ANKRD26: variants seen among roughly 807,000 people sequenced by gnomAD.
The protein encoded by ANKRD26 is ankyrin repeat domain 26.
A neutral mutation model predicts 208.7 loss-of-function variants in ANKRD26; 141 were observed. The observed-to-expected ratio is 0.68, with a 90% CI of 0.59 to 0.78. ANKRD26 has a LOEUF of 0.78. Ranked by LOEUF, ANKRD26 falls within the 30% of genes least tolerant of loss-of-function variation. The pLI is 0.00. For missense variants in ANKRD26, 1,889 were observed against 1,938.7 expected, an observed-to-expected ratio of 0.97 and a Z score of 0.48; for synonymous variants, 636 against 660.4, an observed-to-expected ratio of 0.96 and a Z score of 0.57.
chr10:27,098,055 T>C (rs1169989761), intron 1 of ANKRD26, among the ~76,000 whole-genome samples: 1 of 152,328 alleles, frequency 6.6e-6, no homozygotes, highest in Admixed American at 6.5e-5. Context: ...TAAAAACATG[T>C]ATATGATAAA....
At chr10:27,028,786 T>A in intron 27 of ANKRD26, 66 bp downstream of exon 27, 2 of 1,324,744 alleles carry the variant, frequency 1.5e-6, no homozygotes, top group South Asian at 1.2e-5. Flanking sequence ...TAAGGGATAC[T>A]CAACTTGTCC....
At chr10:27,081,007 T>C (rs2135605342) in intron 6 of ANKRD26, 1 of 966,284 alleles carries the variant, frequency 1.0e-6, no homozygotes, top group Admixed American at 6.1e-5. Flanking sequence ...AGCTCCAAAG[T>C]ACTTGAGGGG....
At chr10:26,965,180 C>A in the ANKRD26 span, among the ~76,000 whole-genome samples, 25 of 152,272 alleles carry the variant, frequency 1.6e-4, 1 homozygote, top group South Asian at 5.2e-3. Flanking sequence ...CCAAGTCAAT[C>A]CTAAGCCAAA....
chr10:27,040,924 G>T (rs1043543509), intron 20 of ANKRD26, among the ~76,000 whole-genome samples: 18 of 151,942 alleles, frequency 1.2e-4, no homozygotes, highest in Middle Eastern at 3.2e-3. Flanking sequence ...CAGCTACTTG[G>T]GGGGGCCGAG....
At chr10:26,972,758 T>C (rs1050042300), downstream of ANKRD26, among the ~76,000 whole-genome samples, 2 of 151,754 alleles carry the variant, frequency 1.3e-5, no homozygotes, top group African/African-American at 2.4e-5. Flanking sequence ...GCCCGGCTAA[T>C]TTTTTGTATT....
chr10:26,961,314 C>T, the ANKRD26 span, among the ~76,000 whole-genome samples: 1 of 151,974 alleles, frequency 6.6e-6, no homozygotes, highest in Middle Eastern at 3.4e-3. Flanking sequence ...CCCAACTATT[C>T]TATGCATAAA....
chr10:27,093,468 C>G lies in ANKRD26; in HGVS notation c.412G>C (p.Asp138His). ...CATILLEHGA[D>H]PNLADVHGNT... is the part of the protein sequence containing the mutation. ...CCATGGACATCCGCAAGATTTGGAT[C>G]AGCACCATGTTCTAGCAGAATAGTT... is the stretch of plus-strand genomic sequence containing the variant. The change falls in exon 3 of 34, where the codon GAT (aspartate) becomes CAT (histidine). Residue 138 changes from aspartate (D) to histidine (H), a missense_variant. This residue lies in a region of ANKRD26 where 1,272 missense variants were observed against 1,273.8 expected (regional missense o/e 1.00). Transcript: ENST00000376087. The G allele has an allele frequency of 1.2e-6, 2 of 1,614,178 alleles. No individual in the cohort carries two copies. Among genetic ancestry groups the G allele is most frequent in the Non-Finnish European group, 1.7e-6 (2 of 1,180,022 alleles).
At chr10:26,969,167 G>C (rs1470453671), downstream of ANKRD26, among the ~76,000 whole-genome samples, 1 of 152,156 alleles carries the variant, frequency 6.6e-6, no homozygotes, top group Non-Finnish European at 1.5e-5. Context: ...TCAATGAAGT[G>C]CCCGGATCTC....
chr10:26,972,766 A>ATTTTTT (rs1554766511), downstream of ANKRD26, among the ~76,000 whole-genome samples: 1 of 151,492 alleles, frequency 6.6e-6, no homozygotes, highest in Admixed American at 6.6e-5. Flanking sequence ...AATTTTTTGT[A>ATTTTTT]TTTTTAGTAG....
In ANKRD26 at chr10:27,077,664, T is replaced by TA. The variant is rs762008702; in HGVS notation, c.842dup (p.Met282AsnfsTer23). 3.7e-6 allele frequency: 6 copies of TA among 1,613,194 alleles called. No homozygotes were observed. Among genetic ancestry groups the TA allele is most frequent in the Non-Finnish European group, 5.1e-6 (6 of 1,179,900 alleles). On this transcript the variant is annotated frameshift_variant, in exon 8 of 34. Coordinates refer to ENST00000376087, the MANE Select transcript of ANKRD26 (RefSeq NM_014915.3). LOFTEE classifies it high-confidence loss of function. The stretch of plus-strand genomic sequence containing the variant: ...TCCTGGATTGCTGAGAAGCAGTCAT[T>TA]AGCTTTGCTAAGCTTGGTTTTGGGA...
In ANKRD26 at chr10:27,100,385, C is replaced by T. The variant is rs3737056; in HGVS notation, c.-59G>A. The T allele has an allele frequency of 0.088, 141,228 of 1,596,866 alleles. 7,963 individuals carry two copies. The highest frequency in any genetic ancestry group is 0.28 in the East Asian group (12,383 of 44,818). On this transcript the variant is annotated 5_prime_UTR_variant, in exon 1 of 34. Coordinates refer to ENST00000376087, the MANE Select transcript of ANKRD26 (RefSeq NM_014915.3). ...GTCTCTCTCGGCTCTTAACGGCCTC[C>T]GGAGCCCAACATAACAAGTCAGCCC...
At chr10:27,028,004 T>C (rs2053723696) in intron 27 of ANKRD26, among the ~76,000 whole-genome samples, 1 of 152,228 alleles carries the variant, frequency 6.6e-6, no homozygotes, top group Admixed American at 6.5e-5. Context: ...TGTCCAACTG[T>C]AGGCTAATGT....
chr10:27,010,623 G>A (rs1460227939), intron 32 of ANKRD26, among the ~76,000 whole-genome samples: 1 of 152,086 alleles, frequency 6.6e-6, no homozygotes. Context: ...AGCCTCCCAA[G>A]AAGCTGGGAC....
Position 27,044,146 on chromosome 10 carries a change from T to C in ANKRD26, c.2019+11A>G. 1 of 1,384,350 alleles carries C rather than the reference T, an allele frequency of 7.2e-7. No homozygotes were observed. The highest frequency in any genetic ancestry group is 2.6e-5 in the East Asian group (1 of 38,220). The allele number at this position is 1,384,350 out of a possible 1,614,324, so 85.8% of individuals were successfully genotyped here. ...TAAACAATAATTTTGATAATTTATT[T>C]TTTACAGTACCTTGTTCTTTTCATT... On this transcript the variant is annotated intron_variant, in intron 19 of 33. Transcript: ENST00000376087.
At chr10:26,995,952 C>T (rs2052583498) in intron 4 of ANKRD26, among the ~76,000 whole-genome samples, 1 of 152,152 alleles carries the variant, frequency 6.6e-6, no homozygotes, top group Non-Finnish European at 1.5e-5. Context: ...TTAGGCATTA[C>T]AGTCCACGTA....
rs16927545 is a variant in ANKRD26 at position 27,086,482 on chromosome 10, T to C, written c.709+57A>G. ...TTTCTGTGATCAACACTTCCTTACTTTTACTTTTTTATCCATGGTACTATT... is the reference window on the plus strand; with the variant it reads ...TTTCTGTGATCAACACTTCCTTACTCTTACTTTTTTATCCATGGTACTATT... On this transcript the variant is annotated intron_variant, in intron 5 of 33. Coordinates refer to ENST00000376087, the MANE Select transcript of ANKRD26 (RefSeq NM_014915.3). The C allele has an allele frequency of 0.021, 32,817 of 1,588,308 alleles. 5,038 individuals are homozygous for C. The African/African-American group carries it at 0.36, about 17-fold the overall frequency.
At chr10:26,950,538 A>C in the ANKRD26 span, among the ~76,000 whole-genome samples, 2 of 148,006 alleles carry the variant, frequency 1.4e-5, no homozygotes, top group Non-Finnish European at 3.0e-5. Context: ...GTGCTGTCCC[A>C]CTGATAATGA....
rs767456225 is a variant in ANKRD26, at chr10:27,060,535, G to A, written c.1468C>T (p.Pro490Ser). 3.9e-6 allele frequency: 6 copies of A among 1,540,744 alleles called. No homozygotes were observed. The highest frequency in any genetic ancestry group is 5.4e-6 in the Non-Finnish European group (6 of 1,117,808). Residue 490 changes from proline to serine, a missense_variant, in exon 14 of 34, where the codon CCT (proline) becomes TCT (serine). By Grantham distance (74) the Pro-to-Ser change is moderately conservative. Coordinates refer to ENST00000376087, the MANE Select transcript of ANKRD26 (RefSeq NM_014915.3). The part of the protein sequence containing the change: ...VGMPVAHMES[P>S]ERYLHLKPTI... ...ACCTTCAAGTGAAGATATCTCTCAG[G>A]AGACTCTAAAAACCAAAAGGGACAT... is the stretch of plus-strand genomic sequence containing the variant.
downstream of ANKRD26, among the ~76,000 whole-genome samples, chr10:26,970,261 T>C (rs1344968602): frequency 1.3e-5 from 2 of 152,102 alleles, no homozygotes; most frequent in African/African-American, 4.8e-5. Context: ...ATCTTCAGTA[T>C]TGGAGGTGGG....
Sources: gnomAD v4.1 joint callset for allele counts (sites outside exome capture counted in the v4.1 genomes callset) on GRCh38, gnomAD v4.1.1 for gene constraint, gnomAD v4.1.1 regional missense constraint, MANE v1.5 for transcripts, NCBI Gene and HGNC (gene_info 2026-07-23, HGNC 2026-07-21) for gene names.